The following SCFD1 variants were observed in gnomAD, a reference collection of about 807,000 sequenced individuals.
SCFD1 encodes the protein sec1 family domain-containing protein 1.
In SCFD1, 37 loss-of-function variants were observed where a neutral mutation model predicts 103.2. The ratio of observed to expected loss-of-function variants is 0.36; its 90% confidence interval spans 0.28 to 0.47. SCFD1 has a LOEUF of 0.47. Among genes scored for constraint, SCFD1 ranks in the 20% least tolerant of loss-of-function variants. SCFD1 has a pLI of 1.00. For missense variants in SCFD1, 639 were observed against 761.2 expected (o/e 0.84, Z 1.89); for synonymous variants, 264 against 245.0 (o/e 1.08, Z -0.73).
chr14:30,728,310 G>T (rs1396915490), intron 23 of SCFD1, among the ~76,000 whole-genome samples: 1 of 152,212 alleles, frequency 6.6e-6, no homozygotes, highest in African/African-American at 2.4e-5. Flanking sequence ...AGGTATATAA[G>T]TTAGTCTGTG....
At chr14:30,653,629 A>T (rs201726157) in intron 10 of SCFD1, 41 bp downstream of exon 10, 2 of 1,292,452 alleles carry the variant, frequency 1.5e-6, no homozygotes. Flanking sequence ...AAATATAGTA[A>T]CATGCAGTGT....
At chr14:30,694,891 T>G in intron 15 of SCFD1, 22 bp downstream of exon 15, 2 of 1,572,472 alleles carry the variant, frequency 1.3e-6, no homozygotes, top group South Asian at 1.2e-5. Context: ...AAATTTGAGG[T>G]TAATGTAAGT....
intron 23 of SCFD1, chr14:30,734,450 C>T: frequency 6.7e-6 from 2 of 297,388 alleles, no homozygotes; most frequent in East Asian, 7.5e-5. Context: ...AAGTAGTACA[C>T]ATCCTACATT....
intron 23 of SCFD1, chr14:30,734,504 G>C (rs759228524): frequency 4.8e-5 from 17 of 355,474 alleles, no homozygotes; most frequent in Non-Finnish European, 8.5e-5. Flanking sequence ...TGTTGCTCCT[G>C]TGAAATTTGA....
At chr14:30,678,324 T>C (rs148164237) in intron 14 of SCFD1, among the ~76,000 whole-genome samples, 1 of 152,172 alleles carries the variant, frequency 6.6e-6, no homozygotes, top group East Asian at 1.9e-4. Flanking sequence ...TACCCCGCAA[T>C]TGATGTTTTG....
At chr14:30,627,235 A>G (rs1292642387) in intron 1 of SCFD1, among the ~76,000 whole-genome samples, 2 of 152,156 alleles carry the variant, frequency 1.3e-5, no homozygotes, top group East Asian at 3.9e-4. Context: ...CGTAACTGTG[A>G]TTTTTGATGT....
rs61976725 is a variant in SCFD1 at position 30,690,714 on chromosome 14, G to A, written c.1243-4059G>A. ...CACTGGCCTGCGCCCACTGTCTGGCGCTCCCTAGTGAGATGAACCCGGTAC... is the reference window on the plus strand; with the variant it reads ...CACTGGCCTGCGCCCACTGTCTGGCACTCCCTAGTGAGATGAACCCGGTAC... On this transcript the variant is annotated intron_variant, in intron 14 of 24. Transcript: ENST00000458591. Among the ~76,000 whole-genome samples the A allele has an allele frequency of 4.5e-3, 670 of 148,810 alleles. 3 individuals are homozygous for A. Among genetic ancestry groups the A allele is most frequent in the African/African-American group, 0.015 (603 of 39,108 alleles).
chr14:30,727,771 T>TA (rs1371824020), intron 23 of SCFD1, among the ~76,000 whole-genome samples: 1 of 152,128 alleles, frequency 6.6e-6, no homozygotes, highest in Non-Finnish European at 1.5e-5. Context: ...CAAGAGGACT[T>TA]ACCTGTGGAG....
intron 11 of SCFD1, 134 bp downstream of exon 11, chr14:30,670,529 AG>A: frequency 1.8e-6 from 1 of 547,942 alleles, no homozygotes; most frequent in East Asian, 3.3e-5. Flanking sequence ...GTAATTAGAT[AG>A]TCTGTAGATA....
intron 3 of SCFD1, among the ~76,000 whole-genome samples, chr14:30,633,116 C>T (rs989421436): frequency 2.0e-5 from 3 of 152,146 alleles, no homozygotes; most frequent in Non-Finnish European, 4.4e-5. Context: ...GCCCATTAGA[C>T]AGTTGGACAA....
Position 30,665,646 on chromosome 14 carries a change from C to A in SCFD1, c.856-4610C>A, listed in dbSNP as rs558539149. 8.6e-5 allele frequency among the ~76,000 whole-genome samples: 13 copies of A among 152,026 alleles called. 1 individual carries two copies. The South Asian group carries it at 2.7e-3, about 32-fold the overall frequency. ...CATCAGTGTGCTGTATTCAGGAGAC[C>A]CATCACATGTGCAGAGACACACAAA... On this transcript the variant is annotated intron_variant, in intron 10 of 24. Transcript: ENST00000458591.
chr14:30,658,031 C>A (rs1301990710), intron 10 of SCFD1: 5 of 450,060 alleles, frequency 1.1e-5, no homozygotes, highest in Non-Finnish European at 2.2e-5. Flanking sequence ...ATATAAGAAG[C>A]AAAATTAGTA....
chr14:30,624,047 G>GT (rs1404546381), intron 1 of SCFD1, among the ~76,000 whole-genome samples: 1 of 152,198 alleles, frequency 6.6e-6, no homozygotes, highest in Non-Finnish European at 1.5e-5. Context: ...GGTGAGGAAA[G>GT]TAAGATAGAG....
At chr14:30,723,529 T>C (rs752749164) in intron 23 of SCFD1, among the ~76,000 whole-genome samples, 48 of 152,216 alleles carry the variant, frequency 3.2e-4, no homozygotes, top group Admixed American at 6.5e-4. Context: ...CCATTTGTTA[T>C]TTTTCCTGAT....
chr14:30,639,934 AAT>A (rs1214433499), intron 6 of SCFD1, 70 bp downstream of exon 6: 40 of 1,464,984 alleles, frequency 2.7e-5, no homozygotes, highest in Middle Eastern at 3.6e-4. Context: ...AAAAAAAGTG[AAT>A]ATGTTTAATG....
At chr14:30,720,009 G>T (rs1435874643) in intron 21 of SCFD1, among the ~76,000 whole-genome samples, 1 of 152,048 alleles carries the variant, frequency 6.6e-6, no homozygotes, top group Non-Finnish European at 1.5e-5. Context: ...TTTGTCTGTA[G>T]CACTGAAACT....
chr14:30,648,922 T>G (rs1476404489), intron 7 of SCFD1, among the ~76,000 whole-genome samples: 3 of 148,680 alleles, frequency 2.0e-5, no homozygotes, highest in Non-Finnish European at 3.0e-5. Context: ...TAGCCATGAC[T>G]GCACCACTAC....
chr14:30,635,025 T>A (rs1438585584), intron 4 of SCFD1: 1 of 454,110 alleles, frequency 2.2e-6, no homozygotes, highest in Non-Finnish European at 4.4e-6. Flanking sequence ...GAAAAGTAGA[T>A]ATTGGATAGG....
intron 14 of SCFD1, among the ~76,000 whole-genome samples, chr14:30,693,512 A>G (rs1055263146): frequency 6.6e-6 from 1 of 152,144 alleles, no homozygotes; most frequent in African/African-American, 2.4e-5. Flanking sequence ...CCATGTATCA[A>G]ATTCACTCCT....
Sources: gnomAD v4.1 joint callset for allele counts (sites outside exome capture counted in the v4.1 genomes callset) on GRCh38, gnomAD v4.1.1 for gene constraint, MANE v1.5 for transcripts, NCBI Gene and HGNC (gene_info 2026-07-23, HGNC 2026-07-21) for gene names.